Variants in ABCD2 observed in about 807,000 individuals in gnomAD.
The protein encoded by ABCD2 is ATP binding cassette subfamily D member 2.
A neutral mutation model predicts 70.9 loss-of-function variants in ABCD2; 36 were observed. The observed-to-expected ratio is 0.51, with a 90% CI of 0.39 to 0.67. ABCD2 has a LOEUF of 0.67. ABCD2 is among the 30% of genes least tolerant of loss of function. ABCD2 has a pLI of 0.00. For synonymous variants in ABCD2, 304 were observed against 306.9 expected, an observed-to-expected ratio of 0.99 and a Z score of 0.10; for missense variants, 729 against 890.2, an observed-to-expected ratio of 0.82 and a Z score of 2.30.
intron 9 of ABCD2, among the ~76,000 whole-genome samples, chr12:39,570,426 A>T (rs1465073987): frequency 6.6e-6 from 1 of 152,174 alleles, no homozygotes; most frequent in Non-Finnish European, 1.5e-5. Flanking sequence ...CCCAGAAATA[A>T]ATCCTTGTAT....
At chr12:39,597,513 G>A (rs1941833100) in intron 6 of ABCD2, among the ~76,000 whole-genome samples, 1 of 152,110 alleles carries the variant, frequency 6.6e-6, no homozygotes. Flanking sequence ...ACTGCAACAA[G>A]AATTGACAGA....
chr12:39,548,342 CA>C (rs766014162), downstream of ABCD2, among the ~76,000 whole-genome samples: 5 of 152,012 alleles, frequency 3.3e-5, no homozygotes, highest in South Asian at 6.2e-4. Context: ...ATGTGTTTAT[CA>C]AAATGTAACC....
Position 39,615,809 on chromosome 12 carries a change from T to C in ABCD2, c.1120+1179A>G, listed in dbSNP as rs74088768. Among the ~76,000 whole-genome samples the C allele has an allele frequency of 2.4e-3, 370 of 152,212 alleles. 2 individuals carry two copies. The highest frequency in any genetic ancestry group is 8.4e-3 in the African/African-American group (350 of 41,560). The stretch of plus-strand genomic sequence containing the variant: ...TTTTTATTAGATCACTTCAAACAAA[T>C]AACTATTCATCCTTAATTCTGTACA... On this transcript the variant is annotated intron_variant, in intron 2 of 9. Transcript: ENST00000308666.
intron 4 of ABCD2, among the ~76,000 whole-genome samples, 172 bp downstream of exon 4, chr12:39,604,590 T>C (rs1941945447): frequency 6.6e-6 from 1 of 152,084 alleles, no homozygotes; most frequent in African/African-American, 2.4e-5. Flanking sequence ...TTTGTGGTAA[T>C]GTTAGTCACC....
intron 7 of ABCD2, among the ~76,000 whole-genome samples, chr12:39,583,578 C>A (rs537268529): frequency 1.1e-4 from 16 of 152,032 alleles, no homozygotes; most frequent in Non-Finnish European, 2.9e-5. Flanking sequence ...TAGGTAAACA[C>A]GTTTCATGGG....
At chr12:39,558,156 T>C (rs1941198319) in intron 9 of ABCD2, among the ~76,000 whole-genome samples, 1 of 152,184 alleles carries the variant, frequency 6.6e-6, no homozygotes, top group Non-Finnish European at 1.5e-5. Context: ...CACCTGGATG[T>C]GAGATATGGA....
chr12:39,579,600 G>T lies in ABCD2; in HGVS notation c.1812C>A (p.Asp604Glu), dbSNP rs771936315. Residue 604 changes from aspartate to glutamate, a missense_variant, in exon 8 of 10, where the codon GAC becomes GAA. Coordinates refer to ENST00000308666, the MANE Select transcript of ABCD2 (RefSeq NM_005164.4). ...CCCCTCCTGACAGGACATCTTTCCAGTCCATAACAGCATCCCATCCTTAAG... is the reference window on the plus strand; with the variant it reads ...CCCCTCCTGACAGGACATCTTTCCATTCCATAACAGCATCCCATCCTTAAG... ...QREGGWDAVM[D>E]WKDVLSGGEK... 6 of 1,610,334 alleles carry T rather than the reference G, an allele frequency of 3.7e-6. No homozygotes were observed. The highest frequency in any genetic ancestry group is 1.7e-5 in the Admixed American group (1 of 59,978).
At chr12:39,599,317 A>C (rs1941863910) in intron 6 of ABCD2, among the ~76,000 whole-genome samples, 1 of 152,150 alleles carries the variant, frequency 6.6e-6, no homozygotes. Flanking sequence ...ATAATAGAAA[A>C]TTTTCTTCAT....
At chr12:39,538,734 C>T in the ABCD2 span, among the ~76,000 whole-genome samples, 1 of 152,188 alleles carries the variant, frequency 6.6e-6, no homozygotes, top group Non-Finnish European at 1.5e-5. Context: ...AGGCGCAAGG[C>T]TACTTGCGTC....
chr12:39,569,622 C>T (rs1391205975), intron 9 of ABCD2, among the ~76,000 whole-genome samples: 1 of 152,178 alleles, frequency 6.6e-6, no homozygotes, highest in Non-Finnish European at 1.5e-5. Flanking sequence ...CGGTGGTCTG[C>T]ACCCACTGTC....
Position 39,553,779 on chromosome 12 carries a change from A to G in ABCD2, c.*133T>C. ...GAAAAGTCAGATCATATACTTCCTTAATGCTAAAATCTTATAAAACATGTC... is the reference window on the plus strand; with the variant it reads ...GAAAAGTCAGATCATATACTTCCTTGATGCTAAAATCTTATAAAACATGTC... On this transcript the variant is annotated 3_prime_UTR_variant, in exon 10 of 10. Coordinates refer to ENST00000308666, the MANE Select transcript of ABCD2 (RefSeq NM_005164.4). 1.5e-6 allele frequency: 1 copy of G among 663,442 alleles called. No individual in the cohort carries two copies. The highest frequency in any genetic ancestry group is 2.7e-5 in the East Asian group (1 of 36,380). 41.1% of individuals were successfully genotyped at this position (663,442 alleles called of 1,614,324 possible).
Position 39,571,697 on chromosome 12 carries a change from A to T in ABCD2, c.2003+2019T>A, listed in dbSNP as rs370288723. ...TCAGGGTTTATCTATTTTAACTGAA[A>T]CTCATTTGAGATAATCTTTAAACTT... is the stretch of plus-strand genomic sequence containing the variant. On this transcript the variant is annotated intron_variant, in intron 9 of 9. Coordinates refer to ENST00000308666, the MANE Select transcript of ABCD2 (RefSeq NM_005164.4). Among the ~76,000 whole-genome samples, 249 of 152,274 alleles carry T rather than the reference A, an allele frequency of 1.6e-3. 2 individuals are homozygous for T. Among genetic ancestry groups the T allele is most frequent in the African/African-American group, 5.8e-3 (243 of 41,568 alleles).
intron 9 of ABCD2, among the ~76,000 whole-genome samples, chr12:39,561,116 C>A (rs553066875): frequency 6.6e-6 from 1 of 152,096 alleles, no homozygotes; most frequent in South Asian, 2.1e-4. Context: ...AGTTTCTGGG[C>A]CAGGTGCAGT....
intron 8 of ABCD2, among the ~76,000 whole-genome samples, chr12:39,575,228 C>A (rs1941500110): frequency 2.6e-5 from 4 of 151,984 alleles, no homozygotes; most frequent in Admixed American, 1.3e-4. Flanking sequence ...GTGCCTTGAT[C>A]GAAACAGAGA....
At chr12:39,557,544 A>C (rs2120531635) in intron 9 of ABCD2, among the ~76,000 whole-genome samples, 1 of 152,294 alleles carries the variant, frequency 6.6e-6, no homozygotes, top group East Asian at 1.9e-4. Context: ...TGAGGAACCA[A>C]ATGTTAATCA....
At chr12:39,546,957 T>C (rs1941031062), downstream of ABCD2, among the ~76,000 whole-genome samples, 1 of 152,038 alleles carries the variant, frequency 6.6e-6, no homozygotes, top group Non-Finnish European at 1.5e-5. Context: ...AGAAAACAAA[T>C]TGAGGCCAGA....
chr12:39,589,932 G>A (rs569310599), intron 6 of ABCD2, among the ~76,000 whole-genome samples: 14 of 151,962 alleles, frequency 9.2e-5, no homozygotes, highest in Non-Finnish European at 1.3e-4. Flanking sequence ...AACTAAAGCC[G>A]CTTAGGTTTT....
intron 9 of ABCD2, among the ~76,000 whole-genome samples, chr12:39,555,453 G>A (rs1435954701): frequency 6.6e-6 from 1 of 152,070 alleles, no homozygotes; most frequent in Non-Finnish European, 1.5e-5. Flanking sequence ...AGAAGCTAAG[G>A]AAACCAGGCA....
the ABCD2 span, among the ~76,000 whole-genome samples, chr12:39,537,982 T>C: frequency 6.6e-6 from 1 of 152,146 alleles, no homozygotes; most frequent in Non-Finnish European, 1.5e-5. Flanking sequence ...GGACTTCCTA[T>C]AACTAAATCA....
Sources: allele counts gnomAD v4.1 joint callset (sites outside exome capture counted in the v4.1 genomes callset), GRCh38; gene constraint gnomAD v4.1.1; transcripts MANE v1.5; gene names NCBI Gene and HGNC (gene_info 2026-07-23, HGNC 2026-07-21).